Variants in LAMC3 observed in about 807,000 individuals in gnomAD.
LAMC3 encodes the protein laminin subunit gamma 3.
LAMC3 carries 128 observed loss-of-function variants against 173.8 expected under a neutral mutation model. The observed-to-expected ratio is 0.74, with a 90% CI of 0.64 to 0.85. LAMC3 has a LOEUF of 0.85. Among genes scored for constraint, LAMC3 ranks in the 40% least tolerant of loss-of-function variants. The probability of loss-of-function intolerance (pLI) is 0.00; values close to 1 mark genes in which losing one functional copy is unlikely to be tolerated. For missense variants in LAMC3, 2,022 were observed against 2,156.0 expected (o/e 0.94, Z 1.23); for synonymous variants, 897 against 909.1 (o/e 0.99, Z 0.24).
At chr9:131,067,241 G>T in intron 14 of LAMC3, 36 bp downstream of exon 14, 1 of 1,609,754 alleles carries the variant, frequency 6.2e-7, no homozygotes, top group Admixed American at 1.7e-5. Flanking sequence ...GGTGGCACAT[G>T]GTGGGCCCCT....
rs1834061526 is a variant in LAMC3 at position 131,041,725 on chromosome 9, C to T, written c.1372C>T (p.Leu458=). The stretch of plus-strand genomic sequence containing the variant: ...CTGCAAAGAGAATGTGGAAGGCAAC[C>T]TATGTGACAGGTTTGTGAGCTAATC... ...CPCKENVEGN[L]CDRCRPGTFN... is the part of the protein sequence containing the mutation. Residue 458 remains leucine, a synonymous_variant, in exon 7 of 28, where the codon CTA becomes TTA. Transcript: ENST00000361069. The T allele has an allele frequency of 1.9e-6, 3 of 1,613,406 alleles. No individual in the cohort carries two copies. Among genetic ancestry groups the T allele is most frequent in the African/African-American group, 1.3e-5 (1 of 74,936 alleles).
At chr9:131,051,102 G>A (rs1460673947) in intron 9 of LAMC3, among the ~76,000 whole-genome samples, 2 of 152,212 alleles carry the variant, frequency 1.3e-5, no homozygotes, top group Non-Finnish European at 2.9e-5. Flanking sequence ...CAGTGTTTCG[G>A]GAGCTGTCCA....
At position 131,009,686 on chromosome 9, in the gene LAMC3, G is replaced by T. The variant is rs60494876; in HGVS notation, c.373+99G>T. ...AGCTGCTGTGCGCCCAGGTTGGGCT[G>T]CAGGACCCAGATATGGTGTTGGATG... On this transcript the variant is annotated intron_variant, in intron 1 of 27. Coordinates refer to ENST00000361069, the MANE Select transcript of LAMC3 (RefSeq NM_006059.4). The surrounding 1 kb of genome is among the most constrained non-coding windows in gnomAD (Gnocchi z 4.3). 4,914 of 1,413,170 alleles carry T rather than the reference G, an allele frequency of 3.5e-3. 126 individuals carry two copies. The African/African-American group carries it at 0.058, about 17-fold the overall frequency. 87.5% of individuals were successfully genotyped at this position (1,413,170 alleles called of 1,614,324 possible).
chr9:131,085,970 C>CT, intron 25 of LAMC3: 1 of 574,888 alleles, frequency 1.7e-6, no homozygotes, highest in Non-Finnish European at 3.1e-6. Context: ...TTAACCAGGA[C>CT]TTACACCTGG....
chr9:131,047,853 A>T (rs1212445979), intron 8 of LAMC3, among the ~76,000 whole-genome samples: 1 of 150,528 alleles, frequency 6.6e-6, no homozygotes, highest in Non-Finnish European at 1.5e-5. Context: ...ACAGGGTGAG[A>T]CTCTGTCTCA....
chr9:131,089,293 G>T (rs950432109), intron 27 of LAMC3, among the ~76,000 whole-genome samples: 3 of 151,554 alleles, frequency 2.0e-5, no homozygotes, highest in Non-Finnish European at 2.9e-5. Flanking sequence ...CCTGCACGTT[G>T]TGCACATGTA....
intron 1 of LAMC3, among the ~76,000 whole-genome samples, chr9:131,015,390 A>G (rs1588135533): frequency 6.6e-6 from 1 of 151,124 alleles, no homozygotes; most frequent in Admixed American, 6.6e-5. Context: ...TGCTTGGTCT[A>G]CCTCCCTTCC....
At chr9:131,079,402 T>A in intron 23 of LAMC3, 104 bp downstream of exon 23, 3 of 1,415,106 alleles carry the variant, frequency 2.1e-6, no homozygotes, top group South Asian at 1.2e-5. Flanking sequence ...GAGACAGAAG[T>A]AGCTCTGTCC....
chr9:131,088,085 G>A (rs1463284313), intron 27 of LAMC3, among the ~76,000 whole-genome samples: 1 of 152,146 alleles, frequency 6.6e-6, no homozygotes. Flanking sequence ...CAGGGCAGGG[G>A]GCACACAGAA....
intron 1 of LAMC3, among the ~76,000 whole-genome samples, chr9:131,025,415 C>G (rs1044935898): frequency 6.6e-6 from 1 of 152,092 alleles, no homozygotes; most frequent in Non-Finnish European, 1.5e-5. Flanking sequence ...CAGGGTGGAG[C>G]GCAGGGCAGG....
At chr9:131,051,100 C>T (rs559029293) in intron 9 of LAMC3, among the ~76,000 whole-genome samples, 45 of 152,282 alleles carry the variant, frequency 3.0e-4, no homozygotes, top group Middle Eastern at 3.4e-3. Context: ...TTCAGTGTTT[C>T]GGGAGCTGTC....
At chr9:131,064,610 G>C (rs1158193349) in intron 13 of LAMC3, among the ~76,000 whole-genome samples, 1 of 151,360 alleles carries the variant, frequency 6.6e-6, no homozygotes, top group Non-Finnish European at 1.5e-5. Context: ...CCTGCAGTGA[G>C]CCGAGATCGC....
rs541195309 is a variant in LAMC3, at chr9:131,026,508, G to C, written c.597G>C (p.Pro199=). The change falls in exon 2 of 28, where the codon CCG becomes CCC. Residue 199 remains proline (P), a synonymous_variant. Transcript: ENST00000361069. This position sits in a 1 kb window ranked among gnomAD's most constrained non-coding sequence, Gnocchi z 4.8. ...CCTCTGAGTTCAGCGACATCTCCCC[G>C]CTGAGTGGCGGCAACGTGGCCTTCT... The part of the protein sequence containing the change: ...FCTSEFSDIS[P]LSGGNVAFST... The C allele has an allele frequency of 6.2e-7, 1 of 1,612,942 alleles. No homozygotes were observed. Among genetic ancestry groups the C allele is most frequent in the Non-Finnish European group, 8.5e-7 (1 of 1,179,772 alleles).
chr9:131,044,408 G>A (rs1221301809), intron 7 of LAMC3, among the ~76,000 whole-genome samples: 1 of 152,100 alleles, frequency 6.6e-6, no homozygotes, highest in Non-Finnish European at 1.5e-5. Flanking sequence ...TACTTGGGAG[G>A]CTGAGGCAGG....
chr9:131,055,558 A>G (rs150670324), intron 11 of LAMC3, among the ~76,000 whole-genome samples: 9,213 of 149,268 alleles, frequency 0.062, 370 homozygotes, highest in Non-Finnish European at 0.091. Flanking sequence ...CCGAGTAGCT[A>G]GGACTACAGG....
chr9:131,041,618 T>A lies in LAMC3; in HGVS notation c.1284-19T>A. 1 of 1,611,562 alleles carries A rather than the reference T, an allele frequency of 6.2e-7. No homozygotes were observed. Among genetic ancestry groups the A allele is most frequent in the Non-Finnish European group, 8.5e-7 (1 of 1,178,356 alleles). On this transcript the variant is annotated intron_variant, in intron 6 of 27. Coordinates refer to ENST00000361069, the MANE Select transcript of LAMC3 (RefSeq NM_006059.4). ...ATTTGCTCATTGCACATTTTCCTCT[T>A]GTCCTGTCTCATTGGCAGACCCTGC...
Position 131,039,170 on chromosome 9 carries a change from C to A in LAMC3, c.1205C>A (p.Ala402Asp), listed in dbSNP as rs149539277. 1.2e-6 allele frequency: 2 copies of A among 1,610,942 alleles called. No homozygotes were observed. Among genetic ancestry groups the A allele is most frequent in the Non-Finnish European group, 1.7e-6 (2 of 1,180,030 alleles). The change falls in exon 6 of 28, where the codon GCC (alanine) becomes GAC (aspartate). Residue 402 changes from alanine to aspartate, a missense_variant. By Grantham distance (126) the Ala-to-Asp change is moderately radical (BLOSUM62 -2). Transcript: ENST00000361069. ...CAGTGCGATGACACAGGCACCTGCGCCTGCAAGCCCACGGTGACTGGCTGG... is the reference window on the plus strand; with the variant it reads ...CAGTGCGATGACACAGGCACCTGCGACTGCAAGCCCACGGTGACTGGCTGG... ...HLQCDDTGTC[A>D]CKPTVTGWKC...
At chr9:131,019,098 A>G (rs1484264072) in intron 1 of LAMC3, among the ~76,000 whole-genome samples, 2 of 152,148 alleles carry the variant, frequency 1.3e-5, no homozygotes, top group African/African-American at 4.8e-5. Flanking sequence ...TCCCATCTCT[A>G]CAGAAATACA....
At chr9:131,019,825 G>A (rs1471646246) in intron 1 of LAMC3, among the ~76,000 whole-genome samples, 3 of 146,598 alleles carry the variant, frequency 2.0e-5, no homozygotes, top group South Asian at 2.2e-4. Context: ...GGTCCCACCC[G>A]CCCCCCTCCC....
Sources: gnomAD v4.1 joint callset for allele counts (sites outside exome capture counted in the v4.1 genomes callset) on GRCh38, gnomAD v4.1.1 for gene constraint, Gnocchi (gnomAD v3.1) non-coding constraint, MANE v1.5 for transcripts, NCBI Gene and HGNC (gene_info 2026-07-23, HGNC 2026-07-21) for gene names.